MCPH1: variants seen among roughly 807,000 people sequenced by gnomAD.
The protein encoded by MCPH1 is microcephalin 1, also known as microcephalin.
Under a neutral mutation model 84.5 loss-of-function variants are expected in MCPH1, and 104 were observed. The observed-to-expected ratio is 1.23, with a 90% CI of 1.05 to 1.45. MCPH1 has a LOEUF of 1.45. MCPH1 is among the 40% of genes most tolerant of loss of function. MCPH1 has a pLI of 0.00. For synonymous variants in MCPH1, 514 were observed against 366.8 expected (o/e 1.40, Z -4.58); for missense variants, 1,498 against 1,005.7 (o/e 1.49, Z -6.62).
chr8:6,473,120 A>T (rs1000863618), intron 9 of MCPH1, among the ~76,000 whole-genome samples: 4 of 152,158 alleles, frequency 2.6e-5, no homozygotes, highest in Non-Finnish European at 5.9e-5. Context: ...TTTTAGGTGA[A>T]TGTGGTAAAC....
intron 12 of MCPH1, chr8:6,562,847 C>G (rs1439800651): frequency 1.2e-6 from 2 of 1,613,802 alleles, no homozygotes; most frequent in East Asian, 2.2e-5. Context: ...TGCTTCTTTC[C>G]TATGCTGTCC....
At chr8:6,588,541 G>T (rs908899521) in intron 12 of MCPH1, among the ~76,000 whole-genome samples, 1 of 152,210 alleles carries the variant, frequency 6.6e-6, no homozygotes, top group Non-Finnish European at 1.5e-5. Flanking sequence ...GCTGTGTCCA[G>T]CCGGGCTCCT....
intron 13 of MCPH1, among the ~76,000 whole-genome samples, chr8:6,636,390 CT>C (rs1797559747): frequency 6.6e-6 from 1 of 151,552 alleles, no homozygotes; most frequent in African/African-American, 2.4e-5. Flanking sequence ...CACACAACCA[CT>C]GATTGTCCAC....
At position 6,502,899 on chromosome 8, in the gene MCPH1, G is replaced by A. The variant is rs1812470079; in HGVS notation, c.2214+2970G>A. 8.8e-6 allele frequency: 5 copies of A among 568,268 alleles called. No individual in the cohort carries two copies. The South Asian group carries it at 1.3e-4, about 14-fold the overall frequency. 35.2% of individuals were successfully genotyped at this position (568,268 alleles called of 1,614,324 possible). A position where few individuals can be genotyped will look rare whatever the true frequency, so the allele number is the denominator to read the frequency against. On this transcript the variant is annotated intron_variant, in intron 12 of 13. Transcript: ENST00000344683. ...GTCTAATCACAATTATGGATGTTTA[G>A]GGTCTTGCTTTGGTCCGTTAAGTGA...
chr8:6,448,588 G>C (rs1213834912), intron 8 of MCPH1, among the ~76,000 whole-genome samples: 1 of 152,216 alleles, frequency 6.6e-6, no homozygotes, highest in Non-Finnish European at 1.5e-5. Context: ...GCACGAAGCA[G>C]CCACTGTCCA....
chr8:6,519,815 G>A lies in MCPH1; in HGVS notation c.2214+19886G>A, dbSNP rs376681192. ...GCTCTCTGGTTCCTCACTCACTAAAGTGGCCTGCCTAGAGCCAGGGAGTTA... is the reference window on the plus strand; with the variant it reads ...GCTCTCTGGTTCCTCACTCACTAAAATGGCCTGCCTAGAGCCAGGGAGTTA... On this transcript the variant is annotated intron_variant, in intron 12 of 13. Transcript: ENST00000344683. 15 of 1,599,762 alleles carry A rather than the reference G, an allele frequency of 9.4e-6. No homozygotes were observed. The African/African-American group carries it at 1.9e-4, about 20-fold the overall frequency.
intron 11 of MCPH1, among the ~76,000 whole-genome samples, chr8:6,497,594 T>C (rs1264304154): frequency 1.3e-5 from 2 of 152,164 alleles, no homozygotes; most frequent in African/African-American, 4.8e-5. Flanking sequence ...TTTTCACTTA[T>C]AAGGAACTGT....
At chr8:6,579,944 G>T (rs895589526) in intron 12 of MCPH1, among the ~76,000 whole-genome samples, 1 of 152,114 alleles carries the variant, frequency 6.6e-6, no homozygotes, top group Non-Finnish European at 1.5e-5. Flanking sequence ...GGGCCAGGAC[G>T]CTGCCACCAA....
chr8:6,627,074 G>T, intron 13 of MCPH1: 1 of 985,224 alleles, frequency 1.0e-6, no homozygotes, highest in Non-Finnish European at 1.2e-6. Context: ...GATGTTTTCA[G>T]GAAAAAGATC....
intron 12 of MCPH1, among the ~76,000 whole-genome samples, chr8:6,575,660 C>T (rs773278048): frequency 1.3e-5 from 2 of 152,196 alleles, no homozygotes; most frequent in Non-Finnish European, 2.9e-5. Context: ...ACGTGACCGT[C>T]TTCGGAAGTA....
chr8:6,488,556 C>T (rs773651689), intron 11 of MCPH1, among the ~76,000 whole-genome samples: 2 of 152,058 alleles, frequency 1.3e-5, no homozygotes, highest in African/African-American at 4.8e-5. Flanking sequence ...TTTTAATTTT[C>T]GAAAGGTGCT....
At chr8:6,546,555 A>G (rs1426287411) in intron 12 of MCPH1, among the ~76,000 whole-genome samples, 1 of 152,192 alleles carries the variant, frequency 6.6e-6, no homozygotes, top group Non-Finnish European at 1.5e-5. Context: ...TTAAAACTCA[A>G]TTTATATGTA....
intron 12 of MCPH1, among the ~76,000 whole-genome samples, chr8:6,598,583 C>G (rs1323451007): frequency 6.6e-6 from 1 of 152,214 alleles, no homozygotes; most frequent in African/African-American, 2.4e-5. Context: ...AGGCTTTCTT[C>G]CCGAACACCC....
In MCPH1 at chr8:6,431,690, C is replaced by G. The variant is rs986249694; in HGVS notation, c.321+104C>G. 9.5e-6 allele frequency: 7 copies of G among 733,068 alleles called. No homozygotes were observed. The African/African-American group carries it at 1.1e-4, about 11-fold the overall frequency. The allele number at this position is 733,068 out of a possible 1,614,324, so 45.4% of individuals were successfully genotyped here. A position where few individuals can be genotyped will look rare whatever the true frequency, so the allele number is the denominator to read the frequency against. The stretch of plus-strand genomic sequence containing the variant: ...TTCTAGAAATATATTCAAGAGTTGT[C>G]TTAAATATGCTATTGATGATATTGT... On this transcript the variant is annotated intron_variant, in intron 4 of 13. Coordinates refer to ENST00000344683, the MANE Select transcript of MCPH1 (RefSeq NM_024596.5).
chr8:6,439,176 A>G, intron 6 of MCPH1, 80 bp downstream of exon 6: 1 of 1,414,228 alleles, frequency 7.1e-7, no homozygotes, highest in Non-Finnish European at 9.7e-7. Flanking sequence ...TTCTTTGCCT[A>G]GATATTTTAA....
chr8:6,527,918 T>G (rs1387292244), intron 12 of MCPH1, among the ~76,000 whole-genome samples: 1 of 150,752 alleles, frequency 6.6e-6, no homozygotes, highest in African/African-American at 2.5e-5. Context: ...TTTTTTGAGA[T>G]GGAATCTCGC....
intron 12 of MCPH1, among the ~76,000 whole-genome samples, chr8:6,526,347 T>C (rs147070538): frequency 1.8e-3 from 251 of 143,126 alleles, no homozygotes; most frequent in African/African-American, 6.4e-3. Flanking sequence ...CATGGGAGAA[T>C]CACCTGAGCC....
intron 12 of MCPH1, among the ~76,000 whole-genome samples, chr8:6,569,318 G>A (rs562600137): frequency 2.0e-5 from 3 of 152,172 alleles, no homozygotes; most frequent in South Asian, 4.2e-4. Context: ...GATCTGTTTC[G>A]ACTCCATTTT....
intron 9 of MCPH1, among the ~76,000 whole-genome samples, chr8:6,467,442 C>T (rs945014550): frequency 2.0e-5 from 3 of 152,114 alleles, no homozygotes; most frequent in Non-Finnish European, 2.9e-5. Flanking sequence ...AATCTTATCC[C>T]AGAATTTATA....
Sources: gnomAD v4.1 joint callset for allele counts (sites outside exome capture counted in the v4.1 genomes callset) on GRCh38, gnomAD v4.1.1 for gene constraint, MANE v1.5 for transcripts, NCBI Gene and HGNC (gene_info 2026-07-23, HGNC 2026-07-21) for gene names.